Variants in FBH1 observed in about 807,000 individuals in gnomAD.
The protein encoded by FBH1 is DNA 3'-5' helicase 1.
FBH1 carries 43 observed loss-of-function variants against 115.5 expected under a neutral mutation model. That is an observed-to-expected ratio of 0.37 (90% CI 0.29 to 0.48). The LOEUF is 0.48. Among genes scored for constraint, FBH1 ranks in the 20% least tolerant of loss-of-function variants. The probability of loss-of-function intolerance (pLI) is 0.99; values close to 1 mark genes in which losing one functional copy is unlikely to be tolerated. For missense variants in FBH1, 1,001 were observed against 1,337.3 expected, an observed-to-expected ratio of 0.75 and a Z score of 3.92; for synonymous variants, 524 against 507.8, an observed-to-expected ratio of 1.03 and a Z score of -0.43.
In FBH1 at chr10:5,913,517, C is replaced by T. The variant is rs1025047667; in HGVS notation, c.1212-230C>T. Among the ~76,000 whole-genome samples the T allele has an allele frequency of 5.3e-5, 8 of 152,270 alleles. No homozygotes were observed. Among genetic ancestry groups the T allele is most frequent in the African/African-American group, 1.9e-4 (8 of 41,536 alleles). ...CTGAAGAGCCCGTCCTGGTCTCTTC[C>T]TCCTCTTGGAGATATACATAGAAAC... On this transcript the variant is annotated intron_variant, in intron 6 of 20. Coordinates refer to ENST00000362091, the MANE Select transcript of FBH1 (RefSeq NM_178150.3). This position sits in a 1 kb window ranked among gnomAD's most constrained non-coding sequence, Gnocchi z 4.4.
Position 5,917,513 on chromosome 10 carries a change from C to A in FBH1, c.1876+6C>A, listed in dbSNP as rs769186128. The A allele has an allele frequency of 8.7e-6, 14 of 1,613,852 alleles. No homozygotes were observed. The Admixed American group carries it at 1.3e-4, about 15-fold the overall frequency. ...GCACCAGATGACTCATGACGGTAGG[C>A]GGCTGCCGAATGGCGGGGACTGGCC... On this transcript the variant is annotated splice_donor_region_variant and intron_variant, in intron 11 of 20. Coordinates refer to ENST00000362091, the MANE Select transcript of FBH1 (RefSeq NM_178150.3). The surrounding 1 kb of genome is among the most constrained non-coding windows in gnomAD (Gnocchi z 5.6).
chr10:5,915,841 T>G lies in FBH1; in HGVS notation c.1565+270T>G, dbSNP rs1831893660. 1 of 504,508 alleles carries G rather than the reference T, an allele frequency of 2.0e-6. No homozygotes were observed. Among genetic ancestry groups the G allele is most frequent in the East Asian group, 3.5e-5 (1 of 28,338 alleles). 31.3% of individuals were successfully genotyped at this position (504,508 alleles called of 1,614,324 possible). ...GAAAGTCAAAATGACTTGCTTAAAG[T>G]TCAGAGTCTCACAAATCCTGATCAG... On this transcript the variant is annotated intron_variant, in intron 9 of 20. Transcript: ENST00000362091. The surrounding 1 kb of genome is among the most constrained non-coding windows in gnomAD (Gnocchi z 5.2).
Position 5,909,608 on chromosome 10 carries a change from T to G in FBH1, c.1020+314T>G. 3.4e-6 allele frequency: 1 copy of G among 293,952 alleles called. No homozygotes were observed. The highest frequency in any genetic ancestry group is 6.3e-6 in the Non-Finnish European group (1 of 158,472). 18.2% of individuals were successfully genotyped at this position (293,952 alleles called of 1,614,324 possible). A position where few individuals can be genotyped will look rare whatever the true frequency, so the allele number is the denominator to read the frequency against. ...TGAACACTTTTAATAATAGGATTTC[T>G]TTACAAGACAGCCCACCCCATTATC... On this transcript the variant is annotated intron_variant, in intron 5 of 20. Coordinates refer to ENST00000362091, the MANE Select transcript of FBH1 (RefSeq NM_178150.3). The surrounding 1 kb of genome is among the most constrained non-coding windows in gnomAD (Gnocchi z 4.4).
chr10:5,906,998 T>C lies in FBH1; in HGVS notation c.753+366T>C, dbSNP rs1043557517. On this transcript the variant is annotated intron_variant, in intron 3 of 20. Coordinates refer to ENST00000362091, the MANE Select transcript of FBH1 (RefSeq NM_178150.3). The surrounding 1 kb of genome is among the most constrained non-coding windows in gnomAD (Gnocchi z 7.3). The stretch of plus-strand genomic sequence containing the variant: ...TTTTTTTTGAGACAGAGTTTCCCAC[T>C]GTTGCCCAGGCTGGAGTGCAGTGGC... 4.0e-5 allele frequency among the ~76,000 whole-genome samples: 6 copies of C among 151,814 alleles called. No homozygotes were observed. Among genetic ancestry groups the C allele is most frequent in the African/African-American group, 1.5e-4 (6 of 41,320 alleles).
chr10:5,930,047 T>C (rs908421894), intron 19 of FBH1, among the ~76,000 whole-genome samples: 1 of 148,392 alleles, frequency 6.7e-6, no homozygotes, highest in Admixed American at 6.7e-5. Context: ...CACAGGACTT[T>C]TTGTTTTTGC....
chr10:5,902,889 G>C, intron 1 of FBH1, 131 bp from the exon 2 acceptor site: 1 of 718,040 alleles, frequency 1.4e-6, no homozygotes, highest in Non-Finnish European at 2.1e-6. Flanking sequence ...AGGGGAGGGG[G>C]GAACGGTTGG....
At position 5,897,388 on chromosome 10, in the gene FBH1, G is replaced by C. The variant is rs1843073594; in HGVS notation, c.2-5632G>C. Among the ~76,000 whole-genome samples the C allele has an allele frequency of 6.6e-6, 1 of 150,592 alleles. No individual in the cohort carries two copies. Among genetic ancestry groups the C allele is most frequent in the Admixed American group, 6.6e-5 (1 of 15,210 alleles). ...TAATTGCAGAGGAGGTGGACACAGG[G>C]CTCCTGCGGAGGAGGTGGACACAGG... On this transcript the variant is annotated intron_variant, in intron 1 of 20. Coordinates refer to ENST00000362091, the MANE Select transcript of FBH1 (RefSeq NM_178150.3). This position sits in a 1 kb window ranked among gnomAD's most constrained non-coding sequence, Gnocchi z 4.7.
chr10:5,912,044 A>G lies in FBH1; in HGVS notation c.1211+916A>G, dbSNP rs543974655. Among the ~76,000 whole-genome samples, 227 of 152,170 alleles carry G rather than the reference A, an allele frequency of 1.5e-3. 1 individual carries two copies. Among genetic ancestry groups the G allele is most frequent in the African/African-American group, 5.3e-3 (221 of 41,500 alleles). ...TGTGAAGGATGGACAGGGACAGTTG[A>G]GGGATCTTACAGGCCCCGATTAGAA... On this transcript the variant is annotated intron_variant, in intron 6 of 20. Coordinates refer to ENST00000362091, the MANE Select transcript of FBH1 (RefSeq NM_178150.3).
intron 19 of FBH1, among the ~76,000 whole-genome samples, chr10:5,928,065 T>C (rs1589112929): frequency 2.0e-5 from 2 of 97,874 alleles, no homozygotes; most frequent in South Asian, 3.9e-4. Context: ...AGAGCGAGAC[T>C]CCATCTCAAA....
chr10:5,924,251 C>A lies in FBH1; in HGVS notation c.2399-60C>A. 6.4e-7 allele frequency: 1 copy of A among 1,562,496 alleles called. No individual in the cohort carries two copies. On this transcript the variant is annotated intron_variant, in intron 16 of 20. Transcript: ENST00000362091. The surrounding 1 kb of genome is among the most constrained non-coding windows in gnomAD (Gnocchi z 6.2). ...CGCAGCTGCTTAGGAACGTGCAGCA[C>A]CTGCCACCATCTGTTAGTGGAGCTT... is the stretch of plus-strand genomic sequence containing the variant.
rs111834239 is a variant in FBH1 at position 5,895,871 on chromosome 10, C to T, written c.1+5525C>T. Among the ~76,000 whole-genome samples, 9,048 of 152,190 alleles carry T rather than the reference C, an allele frequency of 0.059. 718 individuals are homozygous for T. Among genetic ancestry groups the T allele is most frequent in the African/African-American group, 0.18 (7,505 of 41,502 alleles). ...CATTGGCTGGCACCCAGCGGTAAGGCGACATCCACCTGCACGCAGGACTGG... is the reference window on the plus strand; with the variant it reads ...CATTGGCTGGCACCCAGCGGTAAGGTGACATCCACCTGCACGCAGGACTGG... On this transcript the variant is annotated intron_variant, in intron 1 of 20. Coordinates refer to ENST00000362091, the MANE Select transcript of FBH1 (RefSeq NM_178150.3). This position sits in a 1 kb window ranked among gnomAD's most constrained non-coding sequence, Gnocchi z 5.0.
At chr10:5,903,280 T>C (rs1352677976) in intron 2 of FBH1, 105 bp downstream of exon 2, 9 of 908,962 alleles carry the variant, frequency 9.9e-6, no homozygotes, top group Non-Finnish European at 1.2e-5. Context: ...TGTGAGTTTG[T>C]AGTCTTCATG....
At chr10:5,894,055 G>A (rs769570236) in intron 1 of FBH1, 1 of 985,292 alleles carries the variant, frequency 1.0e-6, no homozygotes, top group Non-Finnish European at 1.2e-6. Flanking sequence ...AGTCACAGGT[G>A]TCTCAGATGT....
intron 1 of FBH1, among the ~76,000 whole-genome samples, chr10:5,892,862 A>G (rs1842812023): frequency 6.6e-6 from 1 of 152,140 alleles, no homozygotes; most frequent in Non-Finnish European, 1.5e-5. Context: ...AGGGTCTGCT[A>G]CTCTCAGGCC....
intron 1 of FBH1, among the ~76,000 whole-genome samples, chr10:5,896,879 A>T (rs750114838): frequency 2.9e-4 from 44 of 152,202 alleles, no homozygotes; most frequent in Non-Finnish European, 5.0e-4. Flanking sequence ...GCATACCATG[A>T]GCTTTGCGTG....
Position 5,924,963 on chromosome 10 carries a change from C to T in FBH1, c.2597-404C>T, listed in dbSNP as rs984057964. Among the ~76,000 whole-genome samples, 10 of 152,160 alleles carry T rather than the reference C, an allele frequency of 6.6e-5. No homozygotes were observed. Among genetic ancestry groups the T allele is most frequent in the East Asian group, 1.9e-4 (1 of 5,188 alleles). The stretch of plus-strand genomic sequence containing the variant: ...CAGAGTCCTGGTTCTTCCTCAGGGG[C>T]TCTTTATTCTGTTCTACTTTCAAGC... On this transcript the variant is annotated intron_variant, in intron 17 of 20. Coordinates refer to ENST00000362091, the MANE Select transcript of FBH1 (RefSeq NM_178150.3). The surrounding 1 kb of genome is among the most constrained non-coding windows in gnomAD (Gnocchi z 6.2).
In FBH1 at chr10:5,933,386, T is replaced by C. The variant is rs1833080030; in HGVS notation, c.2830-3070T>C. On this transcript the variant is annotated intron_variant, in intron 19 of 20. Transcript: ENST00000362091. The surrounding 1 kb of genome is among the most constrained non-coding windows in gnomAD (Gnocchi z 4.9). ...GTGGGCAACAAAGTGAGACTCTGTC[T>C]CAAAACAAACAAACAAAAAAGTGAA... Among the ~76,000 whole-genome samples the C allele has an allele frequency of 6.6e-6, 1 of 152,200 alleles. No individual in the cohort carries two copies. Among genetic ancestry groups the C allele is most frequent in the Non-Finnish European group, 1.5e-5 (1 of 68,030 alleles).
chr10:5,914,044 A>G lies in FBH1; in HGVS notation c.1305-134A>G. On this transcript the variant is annotated intron_variant, in intron 7 of 20. Transcript: ENST00000362091. This position sits in a 1 kb window ranked among gnomAD's most constrained non-coding sequence, Gnocchi z 5.2. ...CATAATCTAGCTTTAGAACATGTTTATTCTCGTAAGGGGAGGCCTTTTTTT... is the reference window on the plus strand; with the variant it reads ...CATAATCTAGCTTTAGAACATGTTTGTTCTCGTAAGGGGAGGCCTTTTTTT... 1 of 874,160 alleles carries G rather than the reference A, an allele frequency of 1.1e-6. No individual in the cohort carries two copies. 54.2% of individuals were successfully genotyped at this position (874,160 alleles called of 1,614,324 possible). A position where few individuals can be genotyped will look rare whatever the true frequency, so the allele number is the denominator to read the frequency against.
Position 5,913,394 on chromosome 10 carries a change from C to G in FBH1, c.1212-353C>G, listed in dbSNP as rs1364924210. Reference sequence around the variant, plus strand: ...TAGTAAGTATCATTCAAACAAGAGTCTCAGTGCTAGGAGCAGTGTTTCCCT... The same window carrying G: ...TAGTAAGTATCATTCAAACAAGAGTGTCAGTGCTAGGAGCAGTGTTTCCCT... On this transcript the variant is annotated intron_variant, in intron 6 of 20. Coordinates refer to ENST00000362091, the MANE Select transcript of FBH1 (RefSeq NM_178150.3). The surrounding 1 kb of genome is among the most constrained non-coding windows in gnomAD (Gnocchi z 4.4). 6.6e-6 allele frequency among the ~76,000 whole-genome samples: 1 copy of G among 152,164 alleles called. No homozygotes were observed. Among genetic ancestry groups the G allele is most frequent in the Non-Finnish European group, 1.5e-5 (1 of 68,024 alleles).
Sources: gnomAD v4.1 joint callset for allele counts (sites outside exome capture counted in the v4.1 genomes callset) on GRCh38, gnomAD v4.1.1 for gene constraint, Gnocchi (gnomAD v3.1) non-coding constraint, MANE v1.5 for transcripts, NCBI Gene and HGNC (gene_info 2026-07-23, HGNC 2026-07-21) for gene names.